The following ZNF292 variants were observed in gnomAD, a reference collection of about 807,000 sequenced individuals.
ZNF292 encodes zinc finger protein 292.
In ZNF292, 26 loss-of-function variants were observed where a neutral mutation model predicts 217.9. That is an observed-to-expected ratio of 0.12 (90% CI 0.09 to 0.17). The LOEUF (loss-of-function observed/expected upper bound fraction) is 0.17, where lower values mean the gene tolerates loss of function less well. Ranked by LOEUF, ZNF292 falls within the 10% of genes least tolerant of loss-of-function variation. ZNF292 has a pLI of 1.00. For missense variants in ZNF292, 2,904 were observed against 3,175.2 expected (o/e 0.91, Z 2.05); for synonymous variants, 1,257 against 1,124.1 (o/e 1.12, Z -2.37).
intron 7 of ZNF292, among the ~76,000 whole-genome samples, chr6:87,247,995 T>A (rs545124652): frequency 6.6e-6 from 1 of 152,210 alleles, no homozygotes; most frequent in Non-Finnish European, 1.5e-5. Flanking sequence ...CTTCCACTTA[T>A]TTTTTACTAT....
At chr6:87,167,657 A>C (rs1290205170) in intron 1 of ZNF292, among the ~76,000 whole-genome samples, 1 of 152,236 alleles carries the variant, frequency 6.6e-6, no homozygotes, top group Admixed American at 6.5e-5. Context: ...AAAAACAAAA[A>C]ACAAAAAACT....
chr6:87,214,228 T>A (rs1229674073), intron 1 of ZNF292, among the ~76,000 whole-genome samples: 3 of 152,200 alleles, frequency 2.0e-5, no homozygotes, highest in Non-Finnish European at 4.4e-5. Flanking sequence ...AGCTACAATG[T>A]CATTTGTTCA....
chr6:87,257,437 A>G lies in ZNF292; in HGVS notation c.3808A>G (p.Ser1270Gly). ...TTTCCTTCCTTTACCTGCAGAAAGT[A>G]GTTCAATGTCTCTCTTCCCTTCACC... ...DPFLPLPAESSSMSLFPSPAD... is the reference protein window; with the variant it reads ...DPFLPLPAESGSMSLFPSPAD... The change falls in exon 8 of 8, where the codon AGT becomes GGT. Residue 1270 changes from serine to glycine, a missense_variant. Ser to Gly is a moderately conservative substitution (Grantham distance 56, BLOSUM62 0). This residue lies in a region of ZNF292 where 687 missense variants were observed against 623.0 expected (regional missense o/e 1.10). Coordinates refer to ENST00000369577, the MANE Select transcript of ZNF292 (RefSeq NM_015021.3). The G allele has an allele frequency of 6.2e-7, 1 of 1,613,614 alleles. No individual in the cohort carries two copies. Among genetic ancestry groups the G allele is most frequent in the Non-Finnish European group, 8.5e-7 (1 of 1,179,754 alleles).
chr6:87,171,404 T>G (rs1413871731), intron 1 of ZNF292, among the ~76,000 whole-genome samples: 2 of 152,038 alleles, frequency 1.3e-5, no homozygotes, highest in African/African-American at 2.4e-5. Flanking sequence ...GTTTTTTTTT[T>G]GTTTGTTTTT....
At position 87,216,048 on chromosome 6, in the gene ZNF292, G is replaced by A. The variant is rs1372676105; in HGVS notation, c.314G>A (p.Arg105His). Reference sequence around the variant, plus strand: ...GAAAATGTAGCCTTGGTTCTGGAACGCTTGGCATTGTGAGTAGACCTTTGA... The same window carrying A: ...GAAAATGTAGCCTTGGTTCTGGAACACTTGGCATTGTGAGTAGACCTTTGA... Reference protein sequence around the residue: ...ECENVALVLERLALSCVELLL... With the variant: ...ECENVALVLEHLALSCVELLL... Residue 105 changes from arginine (R) to histidine (H), a missense_variant, in exon 2 of 8, where the codon CGC becomes CAC. Physicochemically the swap from Arg to His is conservative, Grantham distance 29 (BLOSUM62 0). Around this residue, in one of 15 missense-constraint regions of ZNF292, gnomAD observed 313 missense variants for 451.0 expected, o/e 0.69. Coordinates refer to ENST00000369577, the MANE Select transcript of ZNF292 (RefSeq NM_015021.3). 6.4e-7 allele frequency: 1 copy of A among 1,553,848 alleles called. No individual in the cohort carries two copies. Among genetic ancestry groups the A allele is most frequent in the Non-Finnish European group, 8.6e-7 (1 of 1,157,240 alleles).
intron 7 of ZNF292, among the ~76,000 whole-genome samples, chr6:87,252,793 A>G (rs1051869011): frequency 6.6e-6 from 1 of 152,202 alleles, no homozygotes; most frequent in Non-Finnish European, 1.5e-5. Flanking sequence ...TACAAGTTTT[A>G]AGGCACAGAT....
chr6:87,169,333 G>A (rs578052853), intron 1 of ZNF292, among the ~76,000 whole-genome samples: 2 of 151,922 alleles, frequency 1.3e-5, no homozygotes, highest in Non-Finnish European at 2.9e-5. Flanking sequence ...GAGCCACTGC[G>A]CCCAGCCTCC....
rs779501959 is a variant in ZNF292 at position 87,259,824 on chromosome 6, A to C, written c.6195A>C (p.Glu2065Asp). Residue 2065 changes from glutamate (E) to aspartate (D), a missense_variant, in exon 8 of 8, where the codon GAA (glutamate) becomes GAC (aspartate). By Grantham distance (45) the Glu-to-Asp change is conservative. Coordinates refer to ENST00000369577, the MANE Select transcript of ZNF292 (RefSeq NM_015021.3). ...SSLQVITVTS[E>D]QCNTNALTNT... ...TACAAGTGATTACAGTTACTTCAGA[A>C]CAATGTAATACAAATGCACTCACAA... 4.3e-6 allele frequency: 7 copies of C among 1,612,074 alleles called. No individual in the cohort carries two copies. The South Asian group carries it at 7.7e-5, about 18-fold the overall frequency.
chr6:87,240,743 G>A (rs144092145), intron 5 of ZNF292, among the ~76,000 whole-genome samples: 19 of 152,174 alleles, frequency 1.2e-4, no homozygotes, highest in African/African-American at 2.9e-4. Context: ...GGTTTTAGAA[G>A]AACAACAAAA....
intron 4 of ZNF292, among the ~76,000 whole-genome samples, chr6:87,225,915 G>A (rs777730504): frequency 2.0e-5 from 3 of 152,126 alleles, no homozygotes; most frequent in Non-Finnish European, 4.4e-5. Flanking sequence ...ATTGTTCTCA[G>A]CATTTTTGGT....
chr6:87,244,593 A>G (rs1274460436), intron 6 of ZNF292, among the ~76,000 whole-genome samples: 1 of 152,204 alleles, frequency 6.6e-6, no homozygotes, highest in Non-Finnish European at 1.5e-5. Context: ...TTGATGACTC[A>G]GTAGTGAGGG....
At chr6:87,221,422 A>G (rs188984096) in intron 4 of ZNF292, among the ~76,000 whole-genome samples, 17 of 152,340 alleles carry the variant, frequency 1.1e-4, no homozygotes, top group African/African-American at 2.9e-4. Context: ...CTTTTGCTCA[A>G]ACACTTCTAG....
intron 1 of ZNF292, among the ~76,000 whole-genome samples, chr6:87,160,365 G>A (rs1381527616): frequency 2.6e-5 from 4 of 152,146 alleles, no homozygotes; most frequent in Non-Finnish European, 4.4e-5. Flanking sequence ...TGGACTGGCC[G>A]ACTGGTTGAT....
chr6:87,242,568 G>T (rs1355032014), intron 5 of ZNF292, among the ~76,000 whole-genome samples: 2 of 152,150 alleles, frequency 1.3e-5, no homozygotes, highest in African/African-American at 2.4e-5. Flanking sequence ...AGTCTCTGTG[G>T]TACGTGAGTG....
intron 7 of ZNF292, among the ~76,000 whole-genome samples, chr6:87,249,819 C>T (rs899569507): frequency 2.0e-5 from 3 of 151,980 alleles, no homozygotes; most frequent in African/African-American, 4.8e-5. Context: ...AAGCGATTCT[C>T]GTGCCTCAGC....
intron 7 of ZNF292, among the ~76,000 whole-genome samples, chr6:87,252,600 A>G (rs1467051285): frequency 6.6e-6 from 1 of 152,128 alleles, no homozygotes; most frequent in Non-Finnish European, 1.5e-5. Flanking sequence ...AATCATCTTT[A>G]TGGTTTACTT....
At chr6:87,226,469 G>T (rs1160267730) in intron 4 of ZNF292, among the ~76,000 whole-genome samples, 1 of 151,580 alleles carries the variant, frequency 6.6e-6, no homozygotes, top group South Asian at 2.1e-4. Flanking sequence ...ATAGGGTGAG[G>T]TCAGATCTGA....
At chr6:87,250,256 AC>A (rs1774854173) in intron 7 of ZNF292, among the ~76,000 whole-genome samples, 1 of 147,278 alleles carries the variant, frequency 6.8e-6, no homozygotes, top group African/African-American at 2.6e-5. Flanking sequence ...AAACAGTGAA[AC>A]CTGATCTCTA....
At chr6:87,166,984 T>G (rs1770937854) in intron 1 of ZNF292, among the ~76,000 whole-genome samples, 1 of 152,216 alleles carries the variant, frequency 6.6e-6, no homozygotes, top group African/African-American at 2.4e-5. Flanking sequence ...AGAATCCAGG[T>G]TCAAATTAAG....
Sources: gnomAD v4.1 joint callset for allele counts (sites outside exome capture counted in the v4.1 genomes callset) on GRCh38, gnomAD v4.1.1 for gene constraint, gnomAD v4.1.1 regional missense constraint, MANE v1.5 for transcripts, NCBI Gene and HGNC (gene_info 2026-07-23, HGNC 2026-07-21) for gene names.